The following PBX1 variants were observed in gnomAD, a reference collection of about 807,000 sequenced individuals.
The protein encoded by PBX1 is PBX homeobox 1, also known as pre-B-cell leukemia transcription factor 1.
In PBX1, 6 loss-of-function variants were observed where a neutral mutation model predicts 53.4. The observed-to-expected ratio is 0.11, with a 90% CI of 0.06 to 0.22. The LOEUF (loss-of-function observed/expected upper bound fraction) is 0.22, where lower values mean the gene tolerates loss of function less well. Among genes scored for constraint, PBX1 ranks in the 10% least tolerant of loss-of-function variants. The pLI is 1.00. For synonymous variants in PBX1, 204 were observed against 212.3 expected (o/e 0.96, Z 0.34); for missense variants, 251 against 551.4 (o/e 0.46, Z 5.46).
intron 2 of PBX1, among the ~76,000 whole-genome samples, chr1:164,595,937 A>G (rs572205553): frequency 9.6e-4 from 146 of 152,330 alleles, no homozygotes; most frequent in African/African-American, 3.2e-3. Flanking sequence ...GTGGAGTTCA[A>G]TATGGTACTC....
At chr1:164,578,743 G>A (rs1403756892) in intron 2 of PBX1, among the ~76,000 whole-genome samples, 1 of 152,212 alleles carries the variant, frequency 6.6e-6, no homozygotes, top group Non-Finnish European at 1.5e-5. Flanking sequence ...CTGCCCTGGT[G>A]ATACATGCAG....
At chr1:164,752,656 C>G (rs1666298204) in intron 2 of PBX1, among the ~76,000 whole-genome samples, 2 of 151,912 alleles carry the variant, frequency 1.3e-5, no homozygotes, top group Admixed American at 6.6e-5. Flanking sequence ...TTTATTAATC[C>G]AAGGTATTTG....
At chr1:164,829,855 C>G (rs987781761) in intron 8 of PBX1, 1 of 150,560 alleles carries the variant, frequency 6.6e-6, no homozygotes, top group Admixed American at 6.6e-5. Flanking sequence ...CGTTAACATA[C>G]AAGATATGAC....
chr1:164,721,092 T>TAA (rs1289342885), intron 2 of PBX1, among the ~76,000 whole-genome samples: 1 of 152,220 alleles, frequency 6.6e-6, no homozygotes, highest in Non-Finnish European at 1.5e-5. Context: ...TACGTGTCTA[T>TAA]AAAGGTTTCT....
At chr1:164,592,633 G>A (rs1655471326) in intron 2 of PBX1, among the ~76,000 whole-genome samples, 1 of 152,184 alleles carries the variant, frequency 6.6e-6, no homozygotes, top group Non-Finnish European at 1.5e-5. Context: ...GAATGGCCTT[G>A]TTGGAATTGG....
chr1:164,828,456 A>C (rs1308104791), intron 8 of PBX1: 1 of 152,204 alleles, frequency 6.6e-6, no homozygotes, highest in Non-Finnish European at 1.5e-5. Context: ...TTCCCAAGAA[A>C]ATGCAAGATT....
intron 2 of PBX1, among the ~76,000 whole-genome samples, chr1:164,604,184 G>T (rs1033101496): frequency 6.6e-6 from 1 of 151,872 alleles, no homozygotes; most frequent in Non-Finnish European, 1.5e-5. Flanking sequence ...CAGGCAATCC[G>T]CCTGCCTCAG....
chr1:164,713,092 G>T (rs183744699), intron 2 of PBX1, among the ~76,000 whole-genome samples: 1 of 152,300 alleles, frequency 6.6e-6, no homozygotes, highest in African/African-American at 2.4e-5. Context: ...GCTCAAGGAG[G>T]ATGTCAGCAG....
intron 2 of PBX1, among the ~76,000 whole-genome samples, chr1:164,675,172 C>T (rs1661362729): frequency 6.6e-6 from 1 of 152,022 alleles, no homozygotes; most frequent in Admixed American, 6.6e-5. Flanking sequence ...ATGATGCCAC[C>T]AGATCTTTTC....
At chr1:164,649,489 C>T (rs532293741) in intron 2 of PBX1, among the ~76,000 whole-genome samples, 1 of 152,204 alleles carries the variant, frequency 6.6e-6, no homozygotes, top group East Asian at 1.9e-4. Flanking sequence ...AAAGATAATG[C>T]CCTAAATCTA....
intron 2 of PBX1, among the ~76,000 whole-genome samples, chr1:164,592,321 C>T (rs1374890240): frequency 6.6e-6 from 1 of 152,194 alleles, no homozygotes; most frequent in Non-Finnish European, 1.5e-5. Context: ...GACGTGTAAA[C>T]CTCCATGCCA....
chr1:164,677,133 C>T (rs962328361), intron 2 of PBX1, among the ~76,000 whole-genome samples: 73 of 147,448 alleles, frequency 5.0e-4, no homozygotes, highest in South Asian at 1.5e-3. Context: ...TCGCCCAGGC[C>T]GGACTGCGGA....
intron 2 of PBX1, among the ~76,000 whole-genome samples, chr1:164,575,071 A>AATGCAT (rs1339337385): frequency 3.3e-5 from 5 of 152,218 alleles, no homozygotes; most frequent in Non-Finnish European, 7.3e-5. Flanking sequence ...TTTGTGATGG[A>AATGCAT]ATGCATATGT....
chr1:164,721,326 G>T (rs1334402854), intron 2 of PBX1, among the ~76,000 whole-genome samples: 3 of 151,904 alleles, frequency 2.0e-5, no homozygotes, highest in Non-Finnish European at 2.9e-5. Flanking sequence ...GAGCCATGGG[G>T]TCTTAAGGCT....
intron 6 of PBX1, chr1:164,815,814 T>C (rs4657377): frequency 0.22 from 34,071 of 152,060 alleles, 4,398 homozygotes; most frequent in Non-Finnish European, 0.29. Context: ...CCGTGGGGAT[T>C]ATGGGGATTA....
intron 2 of PBX1, among the ~76,000 whole-genome samples, chr1:164,665,143 T>C (rs1660733019): frequency 1.3e-5 from 2 of 152,226 alleles, no homozygotes; most frequent in Admixed American, 6.5e-5. Context: ...CTCTTGTACA[T>C]TGGCAACATA....
At chr1:164,690,705 T>C (rs1414786778) in intron 2 of PBX1, among the ~76,000 whole-genome samples, 1 of 151,810 alleles carries the variant, frequency 6.6e-6, no homozygotes, top group Non-Finnish European at 1.5e-5. Flanking sequence ...CTACCAGTAA[T>C]ATATTTTGTT....
intron 8 of PBX1, among the ~76,000 whole-genome samples, chr1:164,842,909 C>T (rs911468503): frequency 7.3e-5 from 11 of 151,702 alleles, no homozygotes; most frequent in Admixed American, 5.9e-4. Context: ...CCACCCCGCC[C>T]CCACCCACCG....
chr1:164,606,933 A>G (rs1656598184), intron 2 of PBX1, among the ~76,000 whole-genome samples: 1 of 152,250 alleles, frequency 6.6e-6, no homozygotes, highest in South Asian at 2.1e-4. Flanking sequence ...TAACTCTGAC[A>G]TGAGGTACTG....
Sources: allele counts gnomAD v4.1 joint callset (sites outside exome capture counted in the v4.1 genomes callset), GRCh38; gene constraint gnomAD v4.1.1; transcripts MANE v1.5; gene names NCBI Gene and HGNC (gene_info 2026-07-23, HGNC 2026-07-21).